CSMD1: variants seen among roughly 807,000 people sequenced by gnomAD.
CSMD1 encodes the protein CUB and sushi domain-containing protein 1.
CSMD1 carries 213 observed loss-of-function variants against 417.5 expected under a neutral mutation model. The observed-to-expected ratio is 0.51, with a 90% CI of 0.46 to 0.57. The LOEUF is 0.57. Ranked by LOEUF, CSMD1 falls within the 20% of genes least tolerant of loss-of-function variation. CSMD1 has a pLI of 0.00. For synonymous variants in CSMD1, 2,862 were observed against 1,736.8 expected, an observed-to-expected ratio of 1.65 and a Z score of -16.11; for missense variants, 6,923 against 4,529.7, an observed-to-expected ratio of 1.53 and a Z score of -15.17.
intron 4 of CSMD1, among the ~76,000 whole-genome samples, chr8:4,007,553 C>T (rs1269844571): frequency 1.3e-5 from 2 of 152,356 alleles, no homozygotes; most frequent in East Asian, 1.9e-4. Flanking sequence ...CCTCTCCATC[C>T]TGTATGCTTA....
chr8:3,302,143 C>CAATAATGATGA (rs563057879), intron 25 of CSMD1, among the ~76,000 whole-genome samples: 1 of 151,962 alleles, frequency 6.6e-6, no homozygotes, highest in Non-Finnish European at 1.5e-5. Flanking sequence ...GGAATGATGA[C>CAATAATGATGA]AATAATGATG....
chr8:4,824,724 A>C (rs1160120339), intron 1 of CSMD1, among the ~76,000 whole-genome samples: 1 of 152,200 alleles, frequency 6.6e-6, no homozygotes, highest in Non-Finnish European at 1.5e-5. Flanking sequence ...TCATGGAATT[A>C]CTTGGAATAA....
chr8:2,961,005 T>A, intron 62 of CSMD1, 136 bp downstream of exon 62: 1 of 264,146 alleles, frequency 3.8e-6, no homozygotes, highest in Non-Finnish European at 7.1e-6. Flanking sequence ...CATGTAGAAA[T>A]CCCCTTTGAA....
At chr8:4,483,488 A>C (rs1164794988) in intron 2 of CSMD1, among the ~76,000 whole-genome samples, 1 of 152,244 alleles carries the variant, frequency 6.6e-6, no homozygotes, top group Non-Finnish European at 1.5e-5. Context: ...TCGATAAAGC[A>C]ATAATGTATG....
intron 6 of CSMD1, among the ~76,000 whole-genome samples, chr8:3,720,665 T>G (rs959647116): frequency 1.7e-4 from 19 of 108,804 alleles, no homozygotes; most frequent in African/African-American, 7.1e-4. Context: ...ACCAGCACAT[T>G]TCTCCTTCAT....
At chr8:4,323,825 C>T (rs1292347033) in intron 3 of CSMD1, among the ~76,000 whole-genome samples, 3 of 152,138 alleles carry the variant, frequency 2.0e-5, no homozygotes, top group African/African-American at 4.8e-5. Context: ...CTCCTAATAA[C>T]CTCCTCCAGG....
At chr8:3,579,568 G>T (rs1176756947) in intron 9 of CSMD1, among the ~76,000 whole-genome samples, 2 of 152,032 alleles carry the variant, frequency 1.3e-5, no homozygotes, top group Non-Finnish European at 1.5e-5. Flanking sequence ...TTTTTATCAA[G>T]CACAAATTTT....
chr8:4,086,425 T>A (rs1800422894), intron 3 of CSMD1, among the ~76,000 whole-genome samples: 1 of 152,214 alleles, frequency 6.6e-6, no homozygotes. Context: ...TTGAAAATCA[T>A]ATTTTCTTAA....
At chr8:3,369,872 A>G (rs190132231) in intron 18 of CSMD1, among the ~76,000 whole-genome samples, 6 of 152,220 alleles carry the variant, frequency 3.9e-5, no homozygotes, top group African/African-American at 1.2e-4. Flanking sequence ...GATGTTAGAA[A>G]GTTATGAGTT....
intron 12 of CSMD1, among the ~76,000 whole-genome samples, chr8:3,440,679 A>G (rs1371937867): frequency 6.6e-6 from 1 of 152,218 alleles, no homozygotes; most frequent in African/African-American, 2.4e-5. Context: ...AGCTTCCAGC[A>G]CTATACTGAA....
At chr8:3,536,170 G>A (rs1798190055) in intron 10 of CSMD1, among the ~76,000 whole-genome samples, 1 of 152,174 alleles carries the variant, frequency 6.6e-6, no homozygotes, top group Non-Finnish European at 1.5e-5. Context: ...GGAGAGCACG[G>A]GGCTTTCAGC....
intron 7 of CSMD1, among the ~76,000 whole-genome samples, chr8:3,617,464 C>T (rs1432410167): frequency 1.3e-5 from 2 of 152,134 alleles, no homozygotes; most frequent in East Asian, 1.9e-4. Context: ...CAAACTAACA[C>T]ATTTCTTTTT....
intron 1 of CSMD1, among the ~76,000 whole-genome samples, chr8:4,713,080 C>G: frequency 6.6e-6 from 1 of 152,326 alleles, no homozygotes; most frequent in East Asian, 1.9e-4. Context: ...CCCCGCTGCA[C>G]CTCAAATCCC....
At chr8:4,099,727 C>G (rs866499553) in intron 3 of CSMD1, among the ~76,000 whole-genome samples, 4 of 152,098 alleles carry the variant, frequency 2.6e-5, no homozygotes, top group Non-Finnish European at 5.9e-5. Flanking sequence ...TACTTGCTTT[C>G]TCCCCTCCTT....
chr8:4,080,532 G>C (rs568630718), intron 3 of CSMD1, among the ~76,000 whole-genome samples: 4 of 152,284 alleles, frequency 2.6e-5, no homozygotes, highest in East Asian at 1.9e-4. Context: ...AGACTGTCTT[G>C]TCCAACACAT....
In CSMD1 at chr8:3,408,237, C is replaced by T. The variant is rs377720547; in HGVS notation, c.1745-12G>A. ...GAAGAAACATGAAACTGTGAAGATGCAAATATATTTTCAAACAGTTATGCA... is the reference window on the plus strand; with the variant it reads ...GAAGAAACATGAAACTGTGAAGATGTAAATATATTTTCAAACAGTTATGCA... On this transcript the variant is annotated splice_polypyrimidine_tract_variant and intron_variant, in intron 13 of 69. Transcript: ENST00000635120. 1.8e-5 allele frequency: 29 copies of T among 1,570,838 alleles called. No homozygotes were observed. In the African/African-American group the frequency reaches 2.6e-4, roughly 14 times the overall value.
intron 3 of CSMD1, among the ~76,000 whole-genome samples, chr8:4,128,833 T>C (rs543314851): frequency 6.6e-6 from 1 of 152,078 alleles, no homozygotes; most frequent in Non-Finnish European, 1.5e-5. Flanking sequence ...TCGGGATTCA[T>C]GTCATTATTG....
chr8:3,668,146 A>G (rs1798800237), intron 7 of CSMD1, among the ~76,000 whole-genome samples: 1 of 152,072 alleles, frequency 6.6e-6, no homozygotes, highest in South Asian at 2.1e-4. Context: ...CAGATAACGA[A>G]TCTACAGGGG....
intron 5 of CSMD1, among the ~76,000 whole-genome samples, chr8:3,813,084 T>G (rs990107710): frequency 2.1e-5 from 3 of 142,428 alleles, no homozygotes; most frequent in Non-Finnish European, 3.0e-5. Context: ...AATTCTATTT[T>G]AAGCTAGTTT....
Sources: allele counts gnomAD v4.1 joint callset (sites outside exome capture counted in the v4.1 genomes callset), GRCh38; gene constraint gnomAD v4.1.1; transcripts MANE v1.5; gene names NCBI Gene and HGNC (gene_info 2026-07-23, HGNC 2026-07-21).